ASAP1: variants seen among roughly 807,000 people sequenced by gnomAD.
ASAP1 encodes arf-GAP with SH3 domain, ANK repeat and PH domain-containing protein 1.
Under a neutral mutation model 145.2 loss-of-function variants are expected in ASAP1, and 43 were observed. The observed-to-expected ratio is 0.30, with a 90% CI of 0.23 to 0.38. The LOEUF is 0.38. ASAP1 is among the 10% of genes least tolerant of loss of function. The pLI is 1.00. For synonymous variants in ASAP1, 546 were observed against 515.5 expected (o/e 1.06, Z -0.80); for missense variants, 1,018 against 1,355.3 (o/e 0.75, Z 3.91).
chr8:130,220,968 C>T (rs995972639), intron 4 of ASAP1, among the ~76,000 whole-genome samples: 1 of 152,108 alleles, frequency 6.6e-6, no homozygotes, highest in Non-Finnish European at 1.5e-5. Flanking sequence ...CAATAACTTC[C>T]TATGAGGTCC....
At chr8:130,423,831 CTA>C (rs1298513414) in intron 1 of ASAP1, among the ~76,000 whole-genome samples, 8 of 151,262 alleles carry the variant, frequency 5.3e-5, no homozygotes, top group Admixed American at 5.3e-4. Context: ...TGAGCATTTA[CTA>C]TGTTTACATT....
At chr8:130,177,219 A>C (rs1241111270) in intron 9 of ASAP1, among the ~76,000 whole-genome samples, 1 of 152,256 alleles carries the variant, frequency 6.6e-6, no homozygotes, top group Non-Finnish European at 1.5e-5. Context: ...AGGATGCATT[A>C]GCTATACAAG....
intron 2 of ASAP1, among the ~76,000 whole-genome samples, chr8:130,361,392 G>C (rs760193638): frequency 6.6e-6 from 1 of 152,198 alleles, no homozygotes; most frequent in African/African-American, 2.4e-5. Context: ...GTCAGCTCTG[G>C]AGATGCAAAG....
chr8:130,250,367 G>A (rs955205159), intron 3 of ASAP1, among the ~76,000 whole-genome samples: 1 of 152,154 alleles, frequency 6.6e-6, no homozygotes, highest in African/African-American at 2.4e-5. Context: ...TCCAAAGTCT[G>A]TGCTTTCTGC....
At chr8:130,397,923 G>C (rs569617349) in intron 2 of ASAP1, among the ~76,000 whole-genome samples, 1 of 152,332 alleles carries the variant, frequency 6.6e-6, no homozygotes, top group Admixed American at 6.5e-5. Context: ...TCTACAGCAT[G>C]GACCTTTGTA....
At chr8:130,191,296 A>G (rs1035235754) in intron 5 of ASAP1, among the ~76,000 whole-genome samples, 1 of 152,208 alleles carries the variant, frequency 6.6e-6, no homozygotes, top group Non-Finnish European at 1.5e-5. Flanking sequence ...GGTAAAATCA[A>G]GTTTTAGTAG....
At chr8:130,144,709 G>C (rs1162116079) in intron 13 of ASAP1, among the ~76,000 whole-genome samples, 1 of 152,138 alleles carries the variant, frequency 6.6e-6, no homozygotes, top group Non-Finnish European at 1.5e-5. Context: ...CCTTCAGACA[G>C]GGAAAAAGAT....
chr8:130,145,564 A>T (rs2097627009), intron 13 of ASAP1, among the ~76,000 whole-genome samples: 1 of 152,122 alleles, frequency 6.6e-6, no homozygotes, highest in African/African-American at 2.4e-5. Flanking sequence ...TGAATGGCTG[A>T]GACAAAATGT....
chr8:130,115,960 C>A (rs1192377504), intron 22 of ASAP1, among the ~76,000 whole-genome samples: 1 of 152,146 alleles, frequency 6.6e-6, no homozygotes, highest in Non-Finnish European at 1.5e-5. Context: ...TGACTTGTCT[C>A]CAAAATTAAA....
chr8:130,169,666 A>G (rs1490496108), intron 9 of ASAP1, among the ~76,000 whole-genome samples: 3 of 152,216 alleles, frequency 2.0e-5, no homozygotes, highest in Non-Finnish European at 4.4e-5. Flanking sequence ...AATAACAAGA[A>G]TTAATATCTG....
At chr8:130,142,886 G>C (rs1456499292) in intron 13 of ASAP1, among the ~76,000 whole-genome samples, 3 of 152,122 alleles carry the variant, frequency 2.0e-5, no homozygotes. Context: ...GTGGTGGGGG[G>C]GCAGTTGGTG....
intron 3 of ASAP1, among the ~76,000 whole-genome samples, chr8:130,243,818 C>T (rs1818689306): frequency 6.6e-6 from 1 of 152,112 alleles, no homozygotes; most frequent in South Asian, 2.1e-4. Context: ...CCATTCATTA[C>T]CCTCTCTTAC....
chr8:130,310,752 A>G (rs960419075), intron 3 of ASAP1, among the ~76,000 whole-genome samples: 1 of 152,206 alleles, frequency 6.6e-6, no homozygotes, highest in African/African-American at 2.4e-5. Context: ...CATGCCCACC[A>G]AAGGAAATAG....
At chr8:130,073,952 G>A (rs1010400851) in intron 27 of ASAP1, among the ~76,000 whole-genome samples, 4 of 152,196 alleles carry the variant, frequency 2.6e-5, no homozygotes, top group Admixed American at 2.6e-4. Flanking sequence ...AACACGAGGG[G>A]ATGGAATCTA....
At chr8:130,163,170 C>T (rs1484581384) in intron 11 of ASAP1, 1 of 152,686 alleles carries the variant, frequency 6.5e-6, no homozygotes, top group Non-Finnish European at 1.5e-5. Context: ...TGTCTCACTA[C>T]TAGGCACTCA....
At chr8:130,220,472 T>C (rs1248975876) in intron 4 of ASAP1, among the ~76,000 whole-genome samples, 2 of 152,194 alleles carry the variant, frequency 1.3e-5, no homozygotes, top group South Asian at 2.1e-4. Flanking sequence ...TAAGGAAATT[T>C]AAATTAGAAT....
intron 3 of ASAP1, among the ~76,000 whole-genome samples, chr8:130,340,591 T>G (rs911399912): frequency 6.6e-6 from 1 of 152,236 alleles, no homozygotes; most frequent in African/African-American, 2.4e-5. Flanking sequence ...AATTTAAAAA[T>G]GTTCATTCCA....
rs147543305 is a variant in ASAP1, at chr8:130,162,679, G to A, written c.910-2715C>T. ...TAAAAATACAAAAAATTAGCCGGGC[G>A]TGGTGGCGGGCGCCTGTACTCCCAG... On this transcript the variant is annotated intron_variant, in intron 11 of 29. Coordinates refer to ENST00000518721, the MANE Select transcript of ASAP1 (RefSeq NM_018482.4). Among the ~76,000 whole-genome samples the A allele has an allele frequency of 3.1e-3, 476 of 152,150 alleles. 2 individuals carry two copies. The highest frequency in any genetic ancestry group is 0.011 in the African/African-American group (458 of 41,528).
At chr8:130,140,089 C>G (rs2097606672) in intron 13 of ASAP1, among the ~76,000 whole-genome samples, 1 of 148,880 alleles carries the variant, frequency 6.7e-6, no homozygotes, top group Non-Finnish European at 1.5e-5. Flanking sequence ...CTAGAGTGCA[C>G]TGGGGTGATC....
Sources: gnomAD v4.1 joint callset for allele counts (sites outside exome capture counted in the v4.1 genomes callset) on GRCh38, gnomAD v4.1.1 for gene constraint, MANE v1.5 for transcripts, NCBI Gene and HGNC (gene_info 2026-07-23, HGNC 2026-07-21) for gene names.